The following DLG1 variants were observed in gnomAD, a reference collection of about 807,000 sequenced individuals.
DLG1 encodes the protein disks large homolog 1.
A neutral mutation model predicts 123.4 loss-of-function variants in DLG1; 42 were observed. The observed-to-expected ratio is 0.34, with a 90% CI of 0.27 to 0.44. DLG1 has a LOEUF of 0.44. DLG1 is among the 20% of genes least tolerant of loss of function. The pLI, the probability that DLG1 is intolerant of heterozygous loss-of-function variation, is 1.00. For missense variants in DLG1, 942 were observed against 1,082.6 expected (o/e 0.87, Z 1.82); for synonymous variants, 317 against 356.2 (o/e 0.89, Z 1.24).
chr3:197,231,766 T>C (rs1743260781), intron 4 of DLG1, among the ~76,000 whole-genome samples: 1 of 151,716 alleles, frequency 6.6e-6, no homozygotes, highest in Admixed American at 6.6e-5. Context: ...AATGCTACTC[T>C]GCCAAATAAA....
At position 197,066,930 on chromosome 3, in the gene DLG1, A is replaced by G. The variant is rs148262506; in HGVS notation, c.2048-176T>C. Among the ~76,000 whole-genome samples the G allele has an allele frequency of 2.4e-4, 36 of 152,300 alleles. No homozygotes were observed. In the East Asian group the frequency reaches 6.5e-3, roughly 28 times the overall value. ...AAAAGTGTCAAATTATAAAGTCTTAAAAGTGAGTTTGCTAAATGTAAAACA... is the reference window on the plus strand; with the variant it reads ...AAAAGTGTCAAATTATAAAGTCTTAGAAGTGAGTTTGCTAAATGTAAAACA... On this transcript the variant is annotated intron_variant, in intron 19 of 24. Coordinates refer to ENST00000667157, the MANE Select transcript of DLG1 (RefSeq NM_001366207.1).
At chr3:197,050,238 C>G (rs1726444145) in intron 24 of DLG1, among the ~76,000 whole-genome samples, 1 of 151,230 alleles carries the variant, frequency 6.6e-6, no homozygotes, top group East Asian at 2.0e-4. Context: ...GTGGTGGCAG[C>G]TGCCTGTAGT....
chr3:197,293,786 A>G (rs1776070388), intron 3 of DLG1: 1 of 153,920 alleles, frequency 6.5e-6, no homozygotes, highest in Admixed American at 6.5e-5. Flanking sequence ...TTTCCAAATT[A>G]AGGAAGTGAA....
chr3:197,201,278 G>T (rs1356729864), intron 4 of DLG1, among the ~76,000 whole-genome samples: 2 of 152,278 alleles, frequency 1.3e-5, no homozygotes, highest in South Asian at 2.1e-4. Flanking sequence ...CAGCTACTCG[G>T]GAGGCTGAGG....
intron 4 of DLG1, among the ~76,000 whole-genome samples, chr3:197,230,464 C>T: frequency 6.6e-6 from 1 of 152,154 alleles, no homozygotes; most frequent in Non-Finnish European, 1.5e-5. Flanking sequence ...ACTATTTAGT[C>T]ATGAAATTTT....
chr3:197,057,821 C>A (rs985276529), intron 23 of DLG1, among the ~76,000 whole-genome samples: 1 of 151,840 alleles, frequency 6.6e-6, no homozygotes, highest in Non-Finnish European at 1.5e-5. Context: ...CATTGATATG[C>A]CTTCTTTCTT....
chr3:197,254,025 G>GT (rs1393153179), intron 4 of DLG1, among the ~76,000 whole-genome samples: 1 of 152,130 alleles, frequency 6.6e-6, no homozygotes, highest in Non-Finnish European at 1.5e-5. Context: ...CCTAAACAGT[G>GT]TATCTGACAA....
intron 11 of DLG1, among the ~76,000 whole-genome samples, chr3:197,124,774 T>G (rs145769514): frequency 9.1e-4 from 139 of 152,172 alleles, no homozygotes; most frequent in African/African-American, 3.2e-3. Context: ...AGTCTTAACA[T>G]GGTAGGAAAA....
rs559844609 is a variant in DLG1, at chr3:197,089,345, G to A, written c.1661+1567C>T. 4.6e-5 allele frequency among the ~76,000 whole-genome samples: 7 copies of A among 152,170 alleles called. No homozygotes were observed. The East Asian group carries it at 7.7e-4, about 17-fold the overall frequency. On this transcript the variant is annotated intron_variant, in intron 15 of 24. Coordinates refer to ENST00000667157, the MANE Select transcript of DLG1 (RefSeq NM_001366207.1). ...AGATCGAGACCAGCCTGGCAAACAT[G>A]GTGAAACCCCATCTCTACTAAAAAC...
chr3:197,192,262 A>G (rs962261703), intron 5 of DLG1, among the ~76,000 whole-genome samples: 2 of 152,200 alleles, frequency 1.3e-5, no homozygotes, highest in Admixed American at 6.5e-5. Flanking sequence ...CGAGGCTAAC[A>G]AAAAACAAAT....
intron 6 of DLG1, among the ~76,000 whole-genome samples, chr3:197,143,972 G>A (rs769703280): frequency 2.0e-5 from 3 of 152,168 alleles, no homozygotes; most frequent in Admixed American, 6.5e-5. Flanking sequence ...ATGAACATGG[G>A]TTTGAATCCT....
At chr3:197,083,292 G>A (rs1752301768) in intron 16 of DLG1, among the ~76,000 whole-genome samples, 1 of 151,968 alleles carries the variant, frequency 6.6e-6, no homozygotes, top group Non-Finnish European at 1.5e-5. Flanking sequence ...TACGAAATAG[G>A]TATAAATTCA....
At chr3:197,060,877 G>A (rs1267177859) in intron 22 of DLG1, among the ~76,000 whole-genome samples, 1 of 152,218 alleles carries the variant, frequency 6.6e-6, no homozygotes, top group African/African-American at 2.4e-5. Flanking sequence ...CCAGACTTGA[G>A]TGCAGTGGCA....
chr3:197,191,353 A>G (rs1416193627), intron 5 of DLG1, among the ~76,000 whole-genome samples: 1 of 152,218 alleles, frequency 6.6e-6, no homozygotes, highest in Non-Finnish European at 1.5e-5. Flanking sequence ...TCTGCTTAGA[A>G]TGAGCATTTT....
intron 4 of DLG1, among the ~76,000 whole-genome samples, chr3:197,202,300 A>G (rs1726184996): frequency 6.6e-6 from 1 of 152,178 alleles, no homozygotes; most frequent in Non-Finnish European, 1.5e-5. Context: ...AAACTTCCAA[A>G]TTTCTCAACC....
chr3:197,143,619 T>G (rs1046754429), intron 6 of DLG1, among the ~76,000 whole-genome samples: 1 of 152,174 alleles, frequency 6.6e-6, no homozygotes, highest in Non-Finnish European at 1.5e-5. Context: ...TCTCCCTTCC[T>G]AGAAATATCC....
At chr3:197,051,791 G>A in intron 23 of DLG1, 123 bp from the exon 24 acceptor site, 1 of 549,036 alleles carries the variant, frequency 1.8e-6, no homozygotes, top group Non-Finnish European at 3.0e-6. Flanking sequence ...CTGAAAATAT[G>A]AATGTCATTA....
chr3:197,117,117 GAT>G (rs942306667), intron 12 of DLG1, among the ~76,000 whole-genome samples: 3 of 152,034 alleles, frequency 2.0e-5, no homozygotes, highest in Admixed American at 6.6e-5. Flanking sequence ...TAGGGAAAGA[GAT>G]ATAAAAATAA....
chr3:197,089,080 T>TA (rs199521470), intron 15 of DLG1, among the ~76,000 whole-genome samples: 3,091 of 152,340 alleles, frequency 0.02, 102 homozygotes, highest in Admixed American at 0.076. Context: ...GCATGTTATT[T>TA]AGAAATATAG....
Sources: allele counts gnomAD v4.1 joint callset (sites outside exome capture counted in the v4.1 genomes callset), GRCh38; gene constraint gnomAD v4.1.1; transcripts MANE v1.5; gene names NCBI Gene and HGNC (gene_info 2026-07-23, HGNC 2026-07-21).